Variants in ENKUR observed in about 807,000 individuals in gnomAD.
ENKUR encodes the protein enkurin.
Under a neutral mutation model 27.6 loss-of-function variants are expected in ENKUR, and 19 were observed. The ratio of observed to expected loss-of-function variants is 0.69; its 90% confidence interval spans 0.48 to 1.01. The LOEUF (loss-of-function observed/expected upper bound fraction) is 1.01. Among genes scored for constraint, ENKUR ranks in the 50% least tolerant of loss-of-function variants. The pLI, the probability that ENKUR is intolerant of heterozygous loss-of-function variation, is 0.00. For synonymous variants in ENKUR, 117 were observed against 96.9 expected, an observed-to-expected ratio of 1.21 and a Z score of -1.22; for missense variants, 312 against 310.5, an observed-to-expected ratio of 1.00 and a Z score of -0.04.
At chr10:25,017,452 C>T (rs1201170115), upstream of ENKUR, among the ~76,000 whole-genome samples, 1 of 152,216 alleles carries the variant, frequency 6.6e-6, no homozygotes, top group East Asian at 1.9e-4. Flanking sequence ...GGAGAGAAAA[C>T]ACACTTGAGT....
chr10:25,056,870 G>A (rs190472305), intron 2 of ENKUR, among the ~76,000 whole-genome samples: 1 of 152,272 alleles, frequency 6.6e-6, no homozygotes, highest in East Asian at 1.9e-4. Context: ...AATGAGACAG[G>A]CACCTGCAGC....
At chr10:25,024,818 G>A in intron 2 of ENKUR, 1 of 1,614,138 alleles carries the variant, frequency 6.2e-7, no homozygotes, top group Middle Eastern at 1.6e-4. Flanking sequence ...AAATTTATCT[G>A]TGCCTCTAAT....
intron 2 of ENKUR, among the ~76,000 whole-genome samples, chr10:25,032,416 A>T (rs950455108): frequency 1.6e-4 from 25 of 152,104 alleles, no homozygotes; most frequent in Non-Finnish European, 1.9e-4. Flanking sequence ...GCTCTCACCT[A>T]TGCCTAATAT....
At chr10:25,054,513 C>CTTTCTTTCTTTT (rs1554774507) in intron 2 of ENKUR, among the ~76,000 whole-genome samples, 5 of 71,288 alleles carry the variant, frequency 7.0e-5, no homozygotes, top group African/African-American at 1.1e-4. Flanking sequence ...TTCTTTCTTT[C>CTTTCTTTCTTTT]CTTTCTTTCT....
rs113086488 is a variant in ENKUR at position 25,044,423 on chromosome 10, G to A, written c.37+16689C>T. On this transcript the variant is annotated intron_variant, in intron 2 of 5. Transcript: ENST00000615958. The stretch of plus-strand genomic sequence containing the variant: ...TTGTTTGTTTTTTCTTAGAGATAGC[G>A]TTTCACTCGGTCACCCAGGCTGGAG... Among the ~76,000 whole-genome samples, 470 of 152,176 alleles carry A rather than the reference G, an allele frequency of 3.1e-3. 3 individuals carry two copies. The highest frequency in any genetic ancestry group is 4.6e-3 in the Non-Finnish European group (315 of 67,996).
intron 1 of ENKUR, among the ~76,000 whole-genome samples, chr10:25,015,116 C>T (rs1310728307): frequency 6.6e-6 from 1 of 152,184 alleles, no homozygotes; most frequent in African/African-American, 2.4e-5. Flanking sequence ...CCACTACTTT[C>T]TTTGCTCCCC....
chr10:25,061,066 G>T (rs769813403), intron 2 of ENKUR: 1 of 1,526,292 alleles, frequency 6.6e-7, no homozygotes, highest in South Asian at 1.2e-5. Flanking sequence ...CTATTAGGCT[G>T]GCTGCCCAGA....
intron 2 of ENKUR, among the ~76,000 whole-genome samples, chr10:25,051,855 T>C (rs1218720635): frequency 6.6e-6 from 1 of 152,220 alleles, no homozygotes; most frequent in Non-Finnish European, 1.5e-5. Flanking sequence ...CCATTGTCCC[T>C]ACTAGGTCGT....
intron 2 of ENKUR, among the ~76,000 whole-genome samples, chr10:25,045,439 A>G (rs902626234): frequency 6.6e-6 from 1 of 152,242 alleles, no homozygotes; most frequent in Admixed American, 6.5e-5. Flanking sequence ...GAGAAAAATA[A>G]TGAGTTTCTT....
chr10:25,020,694 T>G (rs1037721486), upstream of ENKUR, among the ~76,000 whole-genome samples: 1 of 150,602 alleles, frequency 6.6e-6, no homozygotes, highest in African/African-American at 2.4e-5. Flanking sequence ...TGAGCTGAGA[T>G]CATGCCACTG....
chr10:25,013,085 T>A (rs1024557917), intron 1 of ENKUR, among the ~76,000 whole-genome samples: 1 of 152,324 alleles, frequency 6.6e-6, no homozygotes. Context: ...ACACACTCTC[T>A]TTCCTGCCAC....
At chr10:25,051,680 A>G (rs1851187690) in intron 2 of ENKUR, among the ~76,000 whole-genome samples, 2 of 152,222 alleles carry the variant, frequency 1.3e-5, no homozygotes, top group East Asian at 3.8e-4. Context: ...ACCTCTCACA[A>G]GGCTCCGCCT....
chr10:25,005,311 C>T (rs1850287016), intron 1 of ENKUR, among the ~76,000 whole-genome samples: 1 of 152,132 alleles, frequency 6.6e-6, no homozygotes, highest in Non-Finnish European at 1.5e-5. Flanking sequence ...TATATTTTAC[C>T]ATACAGTTAA....
chr10:25,024,643 G>A (rs1850804712), intron 2 of ENKUR: 2 of 1,614,192 alleles, frequency 1.2e-6, no homozygotes, highest in Non-Finnish European at 8.5e-7. Context: ...CATAAACTGG[G>A]GCCGACTACT....
chr10:25,025,305 G>C, intron 2 of ENKUR: 3 of 1,614,180 alleles, frequency 1.9e-6, no homozygotes, highest in Non-Finnish European at 8.5e-7. Flanking sequence ...AGCTCTATTT[G>C]CTGGGTTCAT....
intron 1 of ENKUR, among the ~76,000 whole-genome samples, chr10:25,010,536 T>G (rs1564343222): frequency 6.6e-6 from 1 of 151,812 alleles, no homozygotes; most frequent in African/African-American, 2.4e-5. Flanking sequence ...GCTGGTGTGC[T>G]GCACCCATTA....
At chr10:25,020,409 A>G (rs1850696444), upstream of ENKUR, among the ~76,000 whole-genome samples, 1 of 152,162 alleles carries the variant, frequency 6.6e-6, no homozygotes, top group Non-Finnish European at 1.5e-5. Context: ...GTTTCCTTAC[A>G]ATCTACTTTT....
chr10:25,054,473 C>CT, intron 2 of ENKUR, among the ~76,000 whole-genome samples: 3 of 104,762 alleles, frequency 2.9e-5, no homozygotes, highest in Non-Finnish European at 6.3e-5. Flanking sequence ...TTCTTTCTTT[C>CT]TTTCTTTCTT....
At chr10:25,018,748 G>T (rs1001964656), upstream of ENKUR, among the ~76,000 whole-genome samples, 1 of 142,752 alleles carries the variant, frequency 7.0e-6, no homozygotes, top group Non-Finnish European at 1.5e-5. Flanking sequence ...ACAATTGGAA[G>T]GTAAATAAAC....
Sources: gnomAD v4.1 joint callset for allele counts (sites outside exome capture counted in the v4.1 genomes callset) on GRCh38, gnomAD v4.1.1 for gene constraint, MANE v1.5 for transcripts, NCBI Gene and HGNC (gene_info 2026-07-23, HGNC 2026-07-21) for gene names.